Variants in TSPAN18 observed in about 807,000 individuals in gnomAD.
The protein encoded by TSPAN18 is tetraspanin-18.
Under a neutral mutation model 27.3 loss-of-function variants are expected in TSPAN18, and 14 were observed. That is an observed-to-expected ratio of 0.51 (90% CI 0.34 to 0.80). The LOEUF is 0.80. Ranked by LOEUF, TSPAN18 falls within the 30% of genes least tolerant of loss-of-function variation. The probability of loss-of-function intolerance (pLI) is 0.01; values close to 1 mark genes in which losing one functional copy is unlikely to be tolerated. For missense variants in TSPAN18, 268 were observed against 323.9 expected (o/e 0.83, Z 1.32); for synonymous variants, 143 against 136.5 (o/e 1.05, Z -0.33).
intron 3 of TSPAN18, among the ~76,000 whole-genome samples, chr11:44,889,003 G>A (rs1415201697): frequency 6.6e-6 from 1 of 152,198 alleles, no homozygotes; most frequent in Non-Finnish European, 1.5e-5. Flanking sequence ...TTTTATAAAT[G>A]GTAGTTTTTC....
At chr11:44,810,557 TTG>T (rs1299275290) in intron 2 of TSPAN18, among the ~76,000 whole-genome samples, 1 of 152,162 alleles carries the variant, frequency 6.6e-6, no homozygotes, top group South Asian at 2.1e-4. Flanking sequence ...CTTTTGGCTG[TTG>T]TGAACAGCAC....
rs145594607 is a variant in TSPAN18 at position 44,830,786 on chromosome 11, G to A, written c.-152-29542G>A. ...AAGATACCAGAGAGTGGTGGGGACT[G>A]CAGTAAACTTCAGCACACACCCTGT... On this transcript the variant is annotated intron_variant, in intron 2 of 9. Transcript: ENST00000520358. 6.4e-4 allele frequency among the ~76,000 whole-genome samples: 97 copies of A among 152,322 alleles called. 1 individual carries two copies. The highest frequency in any genetic ancestry group is 1.1e-3 in the Non-Finnish European group (78 of 68,030).
chr11:44,814,155 T>C (rs1202914627), intron 2 of TSPAN18, among the ~76,000 whole-genome samples: 1 of 152,228 alleles, frequency 6.6e-6, no homozygotes, highest in Non-Finnish European at 1.5e-5. Context: ...CCAGACTTCA[T>C]TTCCTTTACC....
At chr11:44,898,676 G>C (rs1859151759) in intron 3 of TSPAN18, among the ~76,000 whole-genome samples, 1 of 152,206 alleles carries the variant, frequency 6.6e-6, no homozygotes, top group Non-Finnish European at 1.5e-5. Context: ...ACATGGCGAG[G>C]GGGCTGAGAA....
At chr11:44,820,770 G>C (rs1011933216) in intron 2 of TSPAN18, among the ~76,000 whole-genome samples, 2 of 151,704 alleles carry the variant, frequency 1.3e-5, no homozygotes, top group South Asian at 2.1e-4. Flanking sequence ...GAATGGTTTC[G>C]TGCCCTCCCT....
intron 4 of TSPAN18, among the ~76,000 whole-genome samples, chr11:44,907,030 A>C (rs1044026556): frequency 6.6e-6 from 1 of 152,326 alleles, no homozygotes; most frequent in East Asian, 1.9e-4. Context: ...GACCTTCCTC[A>C]ACAGGCTTTT....
chr11:44,889,805 G>A (rs1175471011), intron 3 of TSPAN18, among the ~76,000 whole-genome samples: 2 of 152,200 alleles, frequency 1.3e-5, no homozygotes, highest in Non-Finnish European at 2.9e-5. Context: ...AGCTAACTTT[G>A]TAGACCTCCC....
chr11:44,926,046 A>G (rs1860340449), intron 8 of TSPAN18, among the ~76,000 whole-genome samples: 2 of 152,186 alleles, frequency 1.3e-5, no homozygotes, highest in African/African-American at 4.8e-5. Context: ...GATCATGGGA[A>G]TTAAGTCCAG....
chr11:44,893,293 G>A (rs975973961), intron 3 of TSPAN18, among the ~76,000 whole-genome samples: 1 of 152,174 alleles, frequency 6.6e-6, no homozygotes, highest in African/African-American at 2.4e-5. Context: ...GGGCAGGGGA[G>A]GCTGTCATTT....
At chr11:44,732,154 C>T (rs1041819623) in intron 1 of TSPAN18, among the ~76,000 whole-genome samples, 4 of 152,364 alleles carry the variant, frequency 2.6e-5, no homozygotes, top group African/African-American at 7.2e-5. Flanking sequence ...CCATGCTGGC[C>T]GGGGCAGCCT....
At chr11:44,861,147 G>A (rs1051785664) in intron 3 of TSPAN18, among the ~76,000 whole-genome samples, 12 of 151,856 alleles carry the variant, frequency 7.9e-5, no homozygotes, top group African/African-American at 2.9e-4. Context: ...TTCAGTCCTC[G>A]GTAGCCACTC....
intron 2 of TSPAN18, among the ~76,000 whole-genome samples, chr11:44,775,992 G>C (rs751733466): frequency 3.9e-5 from 6 of 152,154 alleles, no homozygotes; most frequent in Non-Finnish European, 8.8e-5. Flanking sequence ...AAATGTATTA[G>C]CTGCTCCCTG....
At chr11:44,759,877 C>T (rs574123219) in intron 1 of TSPAN18, among the ~76,000 whole-genome samples, 1 of 152,214 alleles carries the variant, frequency 6.6e-6, no homozygotes, top group East Asian at 1.9e-4. Flanking sequence ...TGATGTGAGC[C>T]CGGAGAACAA....
chr11:44,752,072 C>T (rs1000325962), intron 1 of TSPAN18, among the ~76,000 whole-genome samples: 1 of 152,144 alleles, frequency 6.6e-6, no homozygotes, highest in Admixed American at 6.5e-5. Context: ...TTGGACTGAA[C>T]TCTAGCACTA....
chr11:44,782,582 G>A (rs1001033754), intron 2 of TSPAN18, among the ~76,000 whole-genome samples: 2 of 151,148 alleles, frequency 1.3e-5, no homozygotes, highest in Non-Finnish European at 2.9e-5. Flanking sequence ...GAAACTGACT[G>A]CCAAGCTGTT....
At chr11:44,827,977 G>GT (rs1857079443) in intron 2 of TSPAN18, among the ~76,000 whole-genome samples, 1 of 152,224 alleles carries the variant, frequency 6.6e-6, no homozygotes, top group South Asian at 2.1e-4. Flanking sequence ...CCACCTGGCT[G>GT]TTTGGTTTGA....
chr11:44,823,537 G>A (rs868105062), intron 2 of TSPAN18, among the ~76,000 whole-genome samples: 22 of 152,168 alleles, frequency 1.4e-4, no homozygotes, highest in African/African-American at 5.3e-4. Flanking sequence ...GCACAACAGT[G>A]TAGAAAACCA....
At chr11:44,879,691 C>T (rs983731011) in intron 3 of TSPAN18, among the ~76,000 whole-genome samples, 7 of 152,204 alleles carry the variant, frequency 4.6e-5, no homozygotes, top group African/African-American at 1.4e-4. Flanking sequence ...AAGGCAGGGC[C>T]AGGTCACTGA....
intron 2 of TSPAN18, among the ~76,000 whole-genome samples, chr11:44,777,972 T>A (rs1855852316): frequency 6.6e-6 from 1 of 151,936 alleles, no homozygotes; most frequent in Non-Finnish European, 1.5e-5. Context: ...CTTAAAGGAT[T>A]TTTCCCCCCA....
Sources: gnomAD v4.1 joint callset for allele counts (sites outside exome capture counted in the v4.1 genomes callset) on GRCh38, gnomAD v4.1.1 for gene constraint, MANE v1.5 for transcripts, NCBI Gene and HGNC (gene_info 2026-07-23, HGNC 2026-07-21) for gene names.